ADIPOR2: variants seen among roughly 807,000 people sequenced by gnomAD.
ADIPOR2 encodes the protein adiponectin receptor protein 2.
Under a neutral mutation model 40.9 loss-of-function variants are expected in ADIPOR2, and 18 were observed. The ratio of observed to expected loss-of-function variants is 0.44; its 90% CI spans 0.30 to 0.65. The LOEUF (loss-of-function observed/expected upper bound fraction) is 0.65, where lower values mean the gene tolerates loss of function less well. Among genes scored for constraint, ADIPOR2 ranks in the 30% least tolerant of loss-of-function variants. ADIPOR2 has a pLI of 0.09. For synonymous variants in ADIPOR2, 165 were observed against 166.4 expected, an observed-to-expected ratio of 0.99 and a Z score of 0.06; for missense variants, 283 against 479.2, an observed-to-expected ratio of 0.59 and a Z score of 3.82.
chr12:1,756,455 T>C (rs909970552), intron 2 of ADIPOR2, among the ~76,000 whole-genome samples: 24 of 149,902 alleles, frequency 1.6e-4, no homozygotes, highest in East Asian at 5.8e-4. Context: ...TGGCCTTCTT[T>C]TTTTTTTTTT....
Position 1,693,865 on chromosome 12 carries a change from A to G in ADIPOR2, c.-87+2674A>G, listed in dbSNP as rs565681073. 2.0e-5 allele frequency among the ~76,000 whole-genome samples: 3 copies of G among 152,094 alleles called. No homozygotes were observed. In the East Asian group the frequency reaches 5.8e-4, roughly 29 times the overall value. ...CTGCTTTTTTAAGAAGTATTTCATT[A>G]TTTGTATTTGGATTTTGATTGCTTT... On this transcript the variant is annotated intron_variant, in intron 1 of 7. Transcript: ENST00000357103.
At chr12:1,767,893 G>C (rs1256883118) in intron 2 of ADIPOR2, among the ~76,000 whole-genome samples, 1 of 152,154 alleles carries the variant, frequency 6.6e-6, no homozygotes, top group African/African-American at 2.4e-5. Context: ...CAATGATTAA[G>C]GATCTAATTG....
rs556707886 is a variant in ADIPOR2, at chr12:1,746,153, A to G, written c.-86-8105A>G. On this transcript the variant is annotated intron_variant, in intron 1 of 7. Coordinates refer to ENST00000357103, the MANE Select transcript of ADIPOR2 (RefSeq NM_024551.3). Reference sequence around the variant, plus strand: ...AGGACTGAAAGAGTTATCACATGCAAATAGTAACTAAAAGAGAGCTGGGAC... The same window carrying G: ...AGGACTGAAAGAGTTATCACATGCAGATAGTAACTAAAAGAGAGCTGGGAC... Among the ~76,000 whole-genome samples, 6 of 152,330 alleles carry G rather than the reference A, an allele frequency of 3.9e-5. No homozygotes were observed. In the East Asian group the frequency reaches 1.2e-3, roughly 29 times the overall value.
intron 1 of ADIPOR2, among the ~76,000 whole-genome samples, chr12:1,732,150 G>GT (rs1296440823): frequency 3.9e-5 from 6 of 152,140 alleles, no homozygotes; most frequent in Admixed American, 3.9e-4. Flanking sequence ...ATTTGTTACA[G>GT]TTTATGAACT....
intron 1 of ADIPOR2, among the ~76,000 whole-genome samples, chr12:1,718,953 A>C (rs1307951499): frequency 1.3e-5 from 2 of 152,222 alleles, no homozygotes; most frequent in African/African-American, 4.8e-5. Flanking sequence ...TTTCAAAATA[A>C]TTTTAAGGAA....
intron 1 of ADIPOR2, among the ~76,000 whole-genome samples, chr12:1,728,539 A>G (rs1193181806): frequency 6.7e-6 from 1 of 148,192 alleles, no homozygotes; most frequent in Non-Finnish European, 1.5e-5. Flanking sequence ...CCTGGCCAAT[A>G]TGGTGAAACC....
Position 1,780,471 on chromosome 12 carries a change from C to T in ADIPOR2, c.484C>T (p.Leu162=). ...HLLGCVFFLC[L]GIFYMFRPNI... ...CCTAGGTTGTGTATTCTTCCTGTGC[C>T]TGGGGATCTTTTATATGTTTCGCCC... is the stretch of plus-strand genomic sequence containing the variant. The change falls in exon 5 of 8, where the codon CTG becomes TTG. Residue 162 remains leucine (L), a synonymous_variant. Coordinates refer to ENST00000357103, the MANE Select transcript of ADIPOR2 (RefSeq NM_024551.3). 1.2e-6 allele frequency: 2 copies of T among 1,611,022 alleles called. No individual in the cohort carries two copies. The highest frequency in any genetic ancestry group is 1.7e-6 in the Non-Finnish European group (2 of 1,179,002).
rs1181173442 is a variant in ADIPOR2 at position 1,757,530 on chromosome 12, T to TC, written c.171+3018dup. On this transcript the variant is annotated intron_variant, in intron 2 of 7. Transcript: ENST00000357103. ...GATGAAATTGGTAATCTTGCCAATC[T>TC]CCAAATCTGTCTGAATGGTATCATT... 6.1e-6 allele frequency: 5 copies of TC among 824,930 alleles called. No individual in the cohort carries two copies. The African/African-American group carries it at 8.3e-5, about 14-fold the overall frequency. 51.1% of individuals were successfully genotyped at this position (824,930 alleles called of 1,614,324 possible).
chr12:1,776,038 C>G (rs1362470448), intron 3 of ADIPOR2, among the ~76,000 whole-genome samples: 2 of 152,032 alleles, frequency 1.3e-5, no homozygotes, highest in African/African-American at 2.4e-5. Context: ...ACAGACCCCA[C>G]GTTTTGAGTT....
At position 1,754,699 on chromosome 12, in the gene ADIPOR2, TTACTACTAC is replaced by T. The variant is rs59598626; in HGVS notation, c.171+227_171+235del. 3.0e-3 allele frequency among the ~76,000 whole-genome samples: 312 copies of T among 103,606 alleles called. 1 individual carries two copies. Among genetic ancestry groups the T allele is most frequent in the Admixed American group, 8.2e-3 (70 of 8,522 alleles). The allele number at this position is 103,606 out of a possible 152,430, so 68.0% of individuals were successfully genotyped here. On this transcript the variant is annotated intron_variant, in intron 2 of 7. Transcript: ENST00000357103. ...AAGTCTCTTATCTTTATTATTATTA[TTACTACTAC>T]TACTACTACTACTACTACTACTACT...
intron 1 of ADIPOR2, among the ~76,000 whole-genome samples, chr12:1,741,016 C>T (rs1485654718): frequency 6.6e-6 from 1 of 152,058 alleles, no homozygotes; most frequent in African/African-American, 2.4e-5. Context: ...TTTCTAGGGC[C>T]TGATGTTGAT....
intron 1 of ADIPOR2, among the ~76,000 whole-genome samples, chr12:1,753,660 T>A (rs1862051091): frequency 1.3e-5 from 2 of 152,192 alleles, no homozygotes; most frequent in African/African-American, 4.8e-5. Flanking sequence ...GTCCTGTTTA[T>A]TTTTTATAAA....
chr12:1,765,614 G>C (rs1862360025), intron 2 of ADIPOR2, among the ~76,000 whole-genome samples: 1 of 152,156 alleles, frequency 6.6e-6, no homozygotes, highest in Non-Finnish European at 1.5e-5. Context: ...CATAACTGTA[G>C]TAAGTCCTGA....
chr12:1,704,736 C>T (rs946832749), intron 1 of ADIPOR2, among the ~76,000 whole-genome samples: 1 of 152,092 alleles, frequency 6.6e-6, no homozygotes, highest in Non-Finnish European at 1.5e-5. Flanking sequence ...AGTATGAAGA[C>T]CATTTTTGTT....
chr12:1,776,372 TG>T (rs1201707632), intron 3 of ADIPOR2, among the ~76,000 whole-genome samples: 1 of 152,088 alleles, frequency 6.6e-6, no homozygotes, highest in East Asian at 1.9e-4. Flanking sequence ...GACCCTGTAG[TG>T]GGTAGGGTGG....
chr12:1,736,850 C>A (rs940021761), intron 1 of ADIPOR2, among the ~76,000 whole-genome samples: 1 of 152,224 alleles, frequency 6.6e-6, no homozygotes, highest in African/African-American at 2.4e-5. Context: ...ATCTTTATTT[C>A]TGCCTTCATT....
At position 1,783,882 on chromosome 12, in the gene ADIPOR2, G is replaced by T; in HGVS notation, c.841G>T (p.Val281Leu). The change falls in exon 7 of 8, where the codon GTG (valine) becomes TTG (leucine). Residue 281 changes from valine (V) to leucine (L), a missense_variant and splice_region_variant. By Grantham distance (32) the Val-to-Leu change is conservative. This residue lies in a region of ADIPOR2 where 106 missense variants were observed against 149.7 expected (regional missense o/e 0.71). Transcript: ENST00000357103. ...TPQYRGVRAG[V>L]FLGLGLSGII... The stretch of plus-strand genomic sequence containing the variant: ...TACTCTCTTCTTGTGACTCCTAGGA[G>T]TGTTTTTGGGCCTAGGCCTGAGTGG... The T allele has an allele frequency of 6.3e-7, 1 of 1,597,592 alleles. No individual in the cohort carries two copies. Among genetic ancestry groups the T allele is most frequent in the East Asian group, 2.2e-5 (1 of 44,504 alleles).
chr12:1,692,299 A>T (rs193046452), intron 1 of ADIPOR2, among the ~76,000 whole-genome samples: 26 of 152,268 alleles, frequency 1.7e-4, no homozygotes, highest in Admixed American at 1.5e-3. Flanking sequence ...GTGACCTCTT[A>T]TCAAAGGCCA....
At chr12:1,712,115 A>C (rs752632848) in intron 1 of ADIPOR2, among the ~76,000 whole-genome samples, 7 of 152,090 alleles carry the variant, frequency 4.6e-5, no homozygotes, top group Non-Finnish European at 7.3e-5. Context: ...CCCATTCTTC[A>C]CAGATGAACT....
Sources: allele counts gnomAD v4.1 joint callset (sites outside exome capture counted in the v4.1 genomes callset), GRCh38; gene constraint gnomAD v4.1.1; regional missense constraint gnomAD v4.1.1; transcripts MANE v1.5; gene names NCBI Gene and HGNC (gene_info 2026-07-23, HGNC 2026-07-21).